Variants in ZSCAN5A observed in about 807,000 individuals in gnomAD.
ZSCAN5A encodes the protein zinc finger and SCAN domain-containing protein 5A.
In ZSCAN5A, 12 loss-of-function variants were observed where a neutral mutation model predicts 23.7. That is an observed-to-expected ratio of 0.51 (90% CI 0.32 to 0.82). ZSCAN5A has a LOEUF of 0.82. Among genes scored for constraint, ZSCAN5A ranks in the 40% least tolerant of loss-of-function variants. The pLI, the probability that ZSCAN5A is intolerant of heterozygous loss-of-function variation, is 0.03. For missense variants in ZSCAN5A, 597 were observed against 617.9 expected (o/e 0.97, Z 0.36); for synonymous variants, 257 against 239.9 (o/e 1.07, Z -0.66).
intron 2 of ZSCAN5A, among the ~76,000 whole-genome samples, chr19:56,251,903 C>A (rs2036370065): frequency 6.6e-6 from 1 of 152,084 alleles, no homozygotes; most frequent in Admixed American, 6.6e-5. Flanking sequence ...GTAATATGAG[C>A]AAACCAGAGA....
intron 2 of ZSCAN5A, among the ~76,000 whole-genome samples, chr19:56,339,281 G>A (rs2041570585): frequency 6.6e-6 from 1 of 152,132 alleles, no homozygotes; most frequent in African/African-American, 2.4e-5. Context: ...GCCATATTTA[G>A]CAATATGCGA....
chr19:56,282,963 C>T (rs2038824029), intron 2 of ZSCAN5A: 1 of 152,218 alleles, frequency 6.6e-6, no homozygotes, highest in Admixed American at 6.5e-5. Flanking sequence ...GTTTGCAAGA[C>T]TCTGGGGCAG....
chr19:56,247,054 C>T, intron 2 of ZSCAN5A: 1 of 798,500 alleles, frequency 1.3e-6, no homozygotes, highest in Non-Finnish European at 2.2e-6. Context: ...GGAACTGCTG[C>T]CCTTTGCATG....
At chr19:56,284,774 A>T (rs552867210) in intron 2 of ZSCAN5A, among the ~76,000 whole-genome samples, 9 of 152,020 alleles carry the variant, frequency 5.9e-5, no homozygotes, top group Non-Finnish European at 1.3e-4. Flanking sequence ...TCAGCCCCCA[A>T]AGTGCTAGGA....
intron 3 of ZSCAN5A, 42 bp from the exon 4 acceptor site, chr19:56,223,876 T>A (rs1453886622): frequency 5.2e-6 from 8 of 1,544,642 alleles, no homozygotes; most frequent in Non-Finnish European, 7.1e-6. Context: ...CATGAGAACC[T>A]GAAAGTAGCT....
intron 2 of ZSCAN5A, among the ~76,000 whole-genome samples, chr19:56,245,956 G>A (rs1387434605): frequency 6.6e-6 from 1 of 152,148 alleles, no homozygotes; most frequent in Non-Finnish European, 1.5e-5. Context: ...GGAGGGTGAT[G>A]CAGCCCCAAT....
Position 56,328,927 on chromosome 19 carries a change from G to A in ZSCAN5A, c.-357-12659C>T, listed in dbSNP as rs542929124. Among the ~76,000 whole-genome samples, 309 of 150,324 alleles carry A rather than the reference G, an allele frequency of 2.1e-3. 1 individual carries two copies. Among genetic ancestry groups the A allele is most frequent in the African/African-American group, 7.0e-3 (285 of 40,882 alleles). On this transcript the variant is annotated intron_variant, in intron 2 of 6. Coordinates refer to the ZSCAN5A transcript ENST00000587340. ...GGAGAATGGCGTGAACCCAGGAGGC[G>A]GAGCTTGCAGTGAGCCGAGATGGCG...
chr19:56,223,957 TAGAG>T lies in ZSCAN5A; in HGVS notation c.385-127_385-124del, dbSNP rs764643319. On this transcript the variant is annotated intron_variant, in intron 3 of 5. Coordinates refer to ENST00000683990, the MANE Select transcript of ZSCAN5A (RefSeq NM_001322064.3). ...TTAATGTTCAAATCTGCCTTCCCAA[TAGAG>T]AGTCAGCTCTGTGGACACAGCAATC... 9.8e-6 allele frequency: 9 copies of T among 915,270 alleles called. No individual in the cohort carries two copies. In the African/African-American group the frequency reaches 1.4e-4, roughly 14 times the overall value. 56.7% of individuals were successfully genotyped at this position (915,270 alleles called of 1,614,324 possible). A position where few individuals can be genotyped will look rare whatever the true frequency, so the allele number is the denominator to read the frequency against.
At chr19:56,324,969 A>T (rs1181556359) in intron 2 of ZSCAN5A, among the ~76,000 whole-genome samples, 2 of 152,132 alleles carry the variant, frequency 1.3e-5, no homozygotes, top group Non-Finnish European at 2.9e-5. Context: ...ACTGGGCCTC[A>T]TGTCAAACAA....
At chr19:56,360,100 AG>A (rs1216265480) in intron 2 of ZSCAN5A, among the ~76,000 whole-genome samples, 1 of 152,184 alleles carries the variant, frequency 6.6e-6, no homozygotes, top group East Asian at 1.9e-4. Flanking sequence ...AAAGAAATAA[AG>A]GGTATTCAAA....
chr19:56,268,334 G>A (rs1200582217), intron 2 of ZSCAN5A, among the ~76,000 whole-genome samples: 1 of 152,150 alleles, frequency 6.6e-6, no homozygotes, highest in Non-Finnish European at 1.5e-5. Flanking sequence ...CCTGCGGCAG[G>A]GACAGAATGC....
chr19:56,284,336 T>A (rs962536451), intron 2 of ZSCAN5A: 1 of 217,922 alleles, frequency 4.6e-6, no homozygotes. Context: ...GATAAAAATA[T>A]GGTGCAAGGA....
chr19:56,244,261 G>A (rs1364013183), intron 2 of ZSCAN5A: 9 of 1,606,786 alleles, frequency 5.6e-6, no homozygotes, highest in Non-Finnish European at 7.7e-6. Flanking sequence ...ATCTGTGGCT[G>A]AGGCCCGACC....
In ZSCAN5A at chr19:56,221,543, T is replaced by C. The variant is rs1056705456; in HGVS notation, c.*32A>G. 1 of 1,537,062 alleles carries C rather than the reference T, an allele frequency of 6.5e-7. No homozygotes were observed. The highest frequency in any genetic ancestry group is 1.3e-5 in the South Asian group (1 of 77,778). On this transcript the variant is annotated 3_prime_UTR_variant, in exon 6 of 6. Coordinates refer to ENST00000683990, the MANE Select transcript of ZSCAN5A (RefSeq NM_001322064.3). ...GATGAAAAATATCATTCACTTCTTC[T>C]TGGTGCAGAAGGCATAGACCGGATT...
At chr19:56,258,369 T>A (rs2036867230) in intron 2 of ZSCAN5A, among the ~76,000 whole-genome samples, 1 of 146,682 alleles carries the variant, frequency 6.8e-6, no homozygotes, top group African/African-American at 2.8e-5. Context: ...CTTGAAGGTC[T>A]CACCTTCCAG....
intron 2 of ZSCAN5A, among the ~76,000 whole-genome samples, chr19:56,345,007 A>G (rs1344726613): frequency 6.6e-6 from 1 of 151,224 alleles, no homozygotes; most frequent in Non-Finnish European, 1.5e-5. Context: ...CGGGAGGCCG[A>G]GGCAGGAGAA....
At chr19:56,355,182 C>A (rs928314907) in intron 2 of ZSCAN5A, among the ~76,000 whole-genome samples, 1 of 127,794 alleles carries the variant, frequency 7.8e-6, no homozygotes, top group African/African-American at 3.2e-5. Flanking sequence ...ATTTCAGAAG[C>A]TCCACATGAA....
intron 2 of ZSCAN5A, among the ~76,000 whole-genome samples, chr19:56,302,321 CCT>C (rs879763679): frequency 0.62 from 89,382 of 144,546 alleles, 28,690 homozygotes; most frequent in African/African-American, 0.8. Context: ...TCCCTCCCTC[CCT>C]CCCCTTCCTC....
Position 56,249,051 on chromosome 19 carries a change from G to A in ZSCAN5A, c.-127-23878C>T, listed in dbSNP as rs186740602. On this transcript the variant is annotated intron_variant, in intron 2 of 5. Transcript: ENST00000683990. ...CTCTGCTCTGCCTATTTATCTCCCC[G>A]CCCCAGATGGTGTATTTCTTGGTCT... Among the ~76,000 whole-genome samples the A allele has an allele frequency of 5.0e-4, 76 of 151,744 alleles. 1 individual carries two copies. Among genetic ancestry groups the A allele is most frequent in the Non-Finnish European group, 9.6e-4 (65 of 67,956 alleles).
Sources: allele counts gnomAD v4.1 joint callset (sites outside exome capture counted in the v4.1 genomes callset), GRCh38; gene constraint gnomAD v4.1.1; transcripts MANE v1.5; gene names NCBI Gene and HGNC (gene_info 2026-07-23, HGNC 2026-07-21).